The following GRIK4 variants were observed in gnomAD, a reference collection of about 807,000 sequenced individuals.
GRIK4 encodes the protein glutamate ionotropic receptor kainate type subunit 4, also known as glutamate receptor ionotropic, kainate 4.
In GRIK4, 40 loss-of-function variants were observed where a neutral mutation model predicts 104.9. The ratio of observed to expected loss-of-function variants is 0.38; its 90% CI spans 0.30 to 0.50. GRIK4 has a LOEUF of 0.50. Ranked by LOEUF, GRIK4 falls within the 20% of genes least tolerant of loss-of-function variation. The pLI is 0.93. For missense variants in GRIK4, 1,047 were observed against 1,308.1 expected (o/e 0.80, Z 3.08); for synonymous variants, 485 against 524.9 (o/e 0.92, Z 1.04).
chr11:120,863,944 T>C (rs1397284266), intron 9 of GRIK4, among the ~76,000 whole-genome samples: 1 of 152,154 alleles, frequency 6.6e-6, no homozygotes, highest in East Asian at 1.9e-4. Context: ...AGGAGCGGGT[T>C]TGAGAAAGAG....
At chr11:120,649,759 G>A (rs539278242) in intron 1 of GRIK4, among the ~76,000 whole-genome samples, 117 of 152,332 alleles carry the variant, frequency 7.7e-4, no homozygotes, top group African/African-American at 2.8e-3. Flanking sequence ...CAAACACCCA[G>A]AGAGATGCCT....
chr11:120,576,411 C>A (rs184242735), intron 1 of GRIK4: 1 of 152,082 alleles, frequency 6.6e-6, no homozygotes, highest in Non-Finnish European at 1.5e-5. Flanking sequence ...TCAGGAAGAC[C>A]CCCCATTTCT....
At chr11:120,799,941 G>A (rs952134677) in intron 3 of GRIK4, among the ~76,000 whole-genome samples, 4 of 152,026 alleles carry the variant, frequency 2.6e-5, no homozygotes, top group South Asian at 2.1e-4. Context: ...TCCACCTCCC[G>A]GGTTCAAGCA....
chr11:120,578,265 A>G (rs1948512687), intron 1 of GRIK4, among the ~76,000 whole-genome samples: 2 of 152,076 alleles, frequency 1.3e-5, no homozygotes, highest in African/African-American at 4.8e-5. Context: ...ACATGGAGGG[A>G]TAGATGTGGG....
chr11:120,521,024 G>A (rs139191367), intron 1 of GRIK4, among the ~76,000 whole-genome samples: 39 of 152,228 alleles, frequency 2.6e-4, no homozygotes, highest in African/African-American at 8.9e-4. Context: ...CAGGTGGGAG[G>A]TCAGCACAAC....
Position 120,858,705 on chromosome 11 carries a change from A to G in GRIK4, c.745-3254A>G, listed in dbSNP as rs1200917845. Among the ~76,000 whole-genome samples the G allele has an allele frequency of 2.0e-5, 3 of 152,302 alleles. No individual in the cohort carries two copies. In the East Asian group the frequency reaches 5.8e-4, roughly 29 times the overall value. On this transcript the variant is annotated intron_variant, in intron 8 of 20. Transcript: ENST00000527524. ...CTGGAAACCTAATGCCCTGAGGAAC[A>G]CACTTTGATAAATACTGGCACATAA...
chr11:120,899,830 A>G (rs183813280), intron 12 of GRIK4, among the ~76,000 whole-genome samples: 4 of 152,326 alleles, frequency 2.6e-5, no homozygotes, highest in Non-Finnish European at 5.9e-5. Context: ...CCTCAATGAT[A>G]TCATTGCAGC....
intron 2 of GRIK4, among the ~76,000 whole-genome samples, chr11:120,658,379 C>G (rs1949747469): frequency 6.6e-6 from 1 of 152,100 alleles, no homozygotes; most frequent in Admixed American, 6.6e-5. Flanking sequence ...CATATACATG[C>G]ATTTCTGCTT....
chr11:120,985,793 A>T (rs1365491762), intron 20 of GRIK4, 111 bp from the exon 21 acceptor site: 1 of 912,728 alleles, frequency 1.1e-6, no homozygotes, highest in African/African-American at 1.7e-5. Flanking sequence ...CATACTTAAG[A>T]TGACACGATT....
chr11:120,807,922 C>T (rs974746746), intron 4 of GRIK4, among the ~76,000 whole-genome samples: 33 of 152,276 alleles, frequency 2.2e-4, no homozygotes, highest in Admixed American at 5.9e-4. Flanking sequence ...CTCCAGAGAA[C>T]GTGCCAATGA....
intron 1 of GRIK4, among the ~76,000 whole-genome samples, chr11:120,552,602 A>C (rs930916273): frequency 6.6e-6 from 1 of 152,166 alleles, no homozygotes; most frequent in African/African-American, 2.4e-5. Context: ...AAGGAGTCAA[A>C]CTGGCTTTGT....
At chr11:120,519,655 C>T (rs1947772260) in intron 1 of GRIK4, among the ~76,000 whole-genome samples, 1 of 152,138 alleles carries the variant, frequency 6.6e-6, no homozygotes, top group Non-Finnish European at 1.5e-5. Flanking sequence ...GATGAGGAAG[C>T]TGAGATTCAG....
At position 120,778,005 on chromosome 11, in the gene GRIK4, GT is replaced by G. The variant is rs1302307860; in HGVS notation, c.83-24685del. 3.9e-5 allele frequency among the ~76,000 whole-genome samples: 6 copies of G among 152,056 alleles called. No homozygotes were observed. The East Asian group carries it at 1.2e-3, about 29-fold the overall frequency. On this transcript the variant is annotated intron_variant, in intron 3 of 20. Transcript: ENST00000527524. ...AGGGTAAGGATGAGGTGGGGGTGCT[GT>G]TTCCTACCCTTTACTCAGGGAAGGC...
chr11:120,560,251 C>G (rs1392700502), intron 1 of GRIK4, among the ~76,000 whole-genome samples: 1 of 152,040 alleles, frequency 6.6e-6, no homozygotes, highest in Non-Finnish European at 1.5e-5. Context: ...GGTGTTTCAC[C>G]ATGTTGGCCA....
chr11:120,736,142 C>T (rs1951217197), intron 3 of GRIK4, among the ~76,000 whole-genome samples: 1 of 152,084 alleles, frequency 6.6e-6, no homozygotes, highest in African/African-American at 2.4e-5. Flanking sequence ...GCTCTTTAGT[C>T]AGCAGGTGAT....
rs533475748 is a variant in GRIK4, at chr11:120,547,625, G to C, written c.-159+35738G>C. 1.1e-4 allele frequency among the ~76,000 whole-genome samples: 16 copies of C among 151,774 alleles called. No homozygotes were observed. The East Asian group carries it at 2.1e-3, about 20-fold the overall frequency. On this transcript the variant is annotated intron_variant, in intron 1 of 20. Transcript: ENST00000527524. ...TTTTTTTGTCCTGACATAAACACTT[G>C]GTTTTTCCATGGAAACGTCTGACAT...
chr11:120,552,317 AC>A (rs924463045), intron 1 of GRIK4, among the ~76,000 whole-genome samples: 1 of 152,112 alleles, frequency 6.6e-6, no homozygotes, highest in Non-Finnish European at 1.5e-5. Context: ...CCCCCACCCC[AC>A]CCCCACACAT....
intron 3 of GRIK4, among the ~76,000 whole-genome samples, chr11:120,754,023 G>A (rs3133225): frequency 0.28 from 42,573 of 151,888 alleles, 6,294 homozygotes; most frequent in South Asian, 0.46. Context: ...TTAGATTTGC[G>A]GATTTTGGAC....
At chr11:120,858,010 ATTCCCTGGTT>A (rs1267802479) in intron 8 of GRIK4, among the ~76,000 whole-genome samples, 194 of 152,320 alleles carry the variant, frequency 1.3e-3, no homozygotes, top group Non-Finnish European at 2.0e-3. Context: ...CTTCACCCTC[ATTCCCTGGTT>A]TGGGACAATG....
Sources: allele counts gnomAD v4.1 joint callset (sites outside exome capture counted in the v4.1 genomes callset), GRCh38; gene constraint gnomAD v4.1.1; transcripts MANE v1.5; gene names NCBI Gene and HGNC (gene_info 2026-07-23, HGNC 2026-07-21).